The following VEGFC variants were observed in gnomAD, a reference collection of about 807,000 sequenced individuals.
VEGFC encodes the protein vascular endothelial growth factor C.
A neutral mutation model predicts 46.1 loss-of-function variants in VEGFC; 12 were observed. The ratio of observed to expected loss-of-function variants is 0.26; its 90% CI spans 0.17 to 0.42. VEGFC has a LOEUF of 0.42. Ranked by LOEUF, VEGFC falls within the 10% of genes least tolerant of loss-of-function variation. The pLI, the probability that VEGFC is intolerant of heterozygous loss-of-function variation, is 1.00. For synonymous variants in VEGFC, 232 were observed against 195.5 expected (o/e 1.19, Z -1.56); for missense variants, 488 against 529.4 (o/e 0.92, Z 0.77).
intron 4 of VEGFC, 41 bp from the exon 5 acceptor site, chr4:176,687,968 G>A: frequency 8.5e-7 from 1 of 1,180,632 alleles, no homozygotes. Context: ...GGTGTAACTG[G>A]TACCTAGAAG....
rs367716664 is a variant in VEGFC at position 176,684,068 on chromosome 4, C to T, written c.1146-28G>A. 75 of 1,540,130 alleles carry T rather than the reference C, an allele frequency of 4.9e-5. No individual in the cohort carries two copies. In the African/African-American group the frequency reaches 7.6e-4, roughly 16 times the overall value. ...AGGAGAACAAACAAGAACACACTTACGTTAAAGATCAAGGCAATGGATTCA... is the reference window on the plus strand; with the variant it reads ...AGGAGAACAAACAAGAACACACTTATGTTAAAGATCAAGGCAATGGATTCA... On this transcript the variant is annotated intron_variant, in intron 6 of 6. Transcript: ENST00000618562.
chr4:176,771,398 T>C (rs1339304022), intron 1 of VEGFC, among the ~76,000 whole-genome samples: 1 of 152,182 alleles, frequency 6.6e-6, no homozygotes, highest in Non-Finnish European at 1.5e-5. Flanking sequence ...TTAAGTTTGA[T>C]ACACAGTCTA....
chr4:176,719,927 T>C (rs1005062233), intron 3 of VEGFC, among the ~76,000 whole-genome samples: 1 of 151,896 alleles, frequency 6.6e-6, no homozygotes, highest in South Asian at 2.1e-4. Flanking sequence ...GGCGTGGTGG[T>C]GGACACCTGT....
chr4:176,784,016 C>T (rs1389169777), intron 1 of VEGFC, among the ~76,000 whole-genome samples: 1 of 150,606 alleles, frequency 6.6e-6, no homozygotes, highest in African/African-American at 2.4e-5. Context: ...AGAAAGCTTA[C>T]TATATGCCAA....
chr4:176,693,529 T>C (rs1157457910), intron 4 of VEGFC, among the ~76,000 whole-genome samples: 1 of 141,362 alleles, frequency 7.1e-6, no homozygotes, highest in African/African-American at 3.0e-5. Context: ...ATGGGGAGAA[T>C]GGAACCAAGT....
chr4:176,718,273 C>T (rs1401551574), intron 3 of VEGFC, among the ~76,000 whole-genome samples: 3 of 152,078 alleles, frequency 2.0e-5, no homozygotes, highest in Admixed American at 6.6e-5. Flanking sequence ...ATACAAATCA[C>T]GTTCCACTTG....
intron 3 of VEGFC, among the ~76,000 whole-genome samples, chr4:176,726,090 A>G (rs550067522): frequency 1.2e-4 from 19 of 152,270 alleles, no homozygotes; most frequent in African/African-American, 4.3e-4. Context: ...GTTGTTTGAT[A>G]AAGACTCAGG....
chr4:176,760,249 T>C (rs545669123), intron 1 of VEGFC, among the ~76,000 whole-genome samples: 1 of 152,300 alleles, frequency 6.6e-6, no homozygotes, highest in African/African-American at 2.4e-5. Context: ...TTATGCTTTT[T>C]AGAAATTACC....
intron 1 of VEGFC, among the ~76,000 whole-genome samples, chr4:176,748,471 T>C (rs1479052594): frequency 6.6e-6 from 1 of 151,788 alleles, no homozygotes; most frequent in Non-Finnish European, 1.5e-5. Context: ...AATAGTAGTG[T>C]CTGGATATTT....
intron 1 of VEGFC, among the ~76,000 whole-genome samples, chr4:176,756,951 T>C (rs916793724): frequency 9.9e-5 from 15 of 151,964 alleles, no homozygotes; most frequent in Admixed American, 9.9e-4. Flanking sequence ...GGCAACTAGG[T>C]AAAATGAAAA....
intron 4 of VEGFC, 72 bp from the exon 5 acceptor site, chr4:176,687,999 T>C (rs1734077274): frequency 4.0e-6 from 3 of 755,160 alleles, no homozygotes; most frequent in South Asian, 3.6e-5. Context: ...TGCTCACATA[T>C]GTATCAAAAT....
At chr4:176,728,021 A>G in intron 2 of VEGFC, 53 bp from the exon 3 acceptor site, 3 of 1,461,704 alleles carry the variant, frequency 2.1e-6, no homozygotes, top group Non-Finnish European at 1.8e-6. Flanking sequence ...CAAGATAAAA[A>G]AAGCCCACAG....
chr4:176,783,425 A>G (rs1168303223), intron 1 of VEGFC, among the ~76,000 whole-genome samples: 1 of 152,198 alleles, frequency 6.6e-6, no homozygotes, highest in East Asian at 1.9e-4. Flanking sequence ...TTTTGTGGCA[A>G]TAATATAGAT....
chr4:176,719,027 T>C (rs1404890210), intron 3 of VEGFC, among the ~76,000 whole-genome samples: 1 of 152,210 alleles, frequency 6.6e-6, no homozygotes, highest in Non-Finnish European at 1.5e-5. Flanking sequence ...CTTAGATACT[T>C]GTGTGGAGAA....
At chr4:176,704,187 C>T (rs1734483151) in intron 4 of VEGFC, among the ~76,000 whole-genome samples, 1 of 152,078 alleles carries the variant, frequency 6.6e-6, no homozygotes, top group Non-Finnish European at 1.5e-5. Flanking sequence ...TTCTCAGTCT[C>T]CCGTACAGAT....
At chr4:176,779,282 GGAT>G (rs1560965100) in intron 1 of VEGFC, among the ~76,000 whole-genome samples, 1 of 152,032 alleles carries the variant, frequency 6.6e-6, no homozygotes, top group South Asian at 2.1e-4. Context: ...ATTTTTTATA[GGAT>G]GATATTTATA....
At chr4:176,778,985 A>G (rs1735862791) in intron 1 of VEGFC, among the ~76,000 whole-genome samples, 1 of 152,184 alleles carries the variant, frequency 6.6e-6, no homozygotes, top group Non-Finnish European at 1.5e-5. Context: ...ATCAATCATC[A>G]CAGAACAGGA....
Position 176,767,331 on chromosome 4 carries a change from CAAGTATTTGGCTG to C in VEGFC, c.147+24821_147+24833del, listed in dbSNP as rs1488202976. ...CTAAAATAAAAAAGACTAACAATGC[CAAGTATTTGGCTG>C]GGATGTGAAGAAAAAATAGGTTGGA... On this transcript the variant is annotated intron_variant, in intron 1 of 6. Coordinates refer to ENST00000618562, the MANE Select transcript of VEGFC (RefSeq NM_005429.5). 3.3e-5 allele frequency among the ~76,000 whole-genome samples: 5 copies of C among 152,186 alleles called. No homozygotes were observed. The East Asian group carries it at 9.7e-4, about 29-fold the overall frequency.
At chr4:176,711,446 A>G in intron 4 of VEGFC, 53 bp downstream of exon 4, 1 of 1,534,848 alleles carries the variant, frequency 6.5e-7, no homozygotes, top group African/African-American at 1.4e-5. Context: ...TTACTTGAAA[A>G]TAATTTAATA....
Sources: gnomAD v4.1 joint callset for allele counts (sites outside exome capture counted in the v4.1 genomes callset) on GRCh38, gnomAD v4.1.1 for gene constraint, MANE v1.5 for transcripts, NCBI Gene and HGNC (gene_info 2026-07-23, HGNC 2026-07-21) for gene names.